Variants in NKAIN3 observed in about 807,000 individuals in gnomAD.
The protein encoded by NKAIN3 is sodium/potassium transporting ATPase interacting 3, also known as sodium/potassium-transporting ATPase subunit beta-1-interacting protein 3.
Under a neutral mutation model 30.2 loss-of-function variants are expected in NKAIN3, and 25 were observed. That is an observed-to-expected ratio of 0.83 (90% CI 0.60 to 1.16). The LOEUF is 1.16. Ranked by LOEUF, NKAIN3 falls within the 50% of genes most tolerant of loss-of-function variation. The probability of loss-of-function intolerance (pLI) is 0.00; values close to 1 mark genes in which losing one functional copy is unlikely to be tolerated. For synonymous variants in NKAIN3, 91 were observed against 89.6 expected (o/e 1.02, Z -0.09); for missense variants, 225 against 254.1 (o/e 0.89, Z 0.78).
At chr8:62,657,771 G>A (rs1408251125) in intron 3 of NKAIN3, among the ~76,000 whole-genome samples, 4 of 152,182 alleles carry the variant, frequency 2.6e-5, no homozygotes, top group Non-Finnish European at 4.4e-5. Flanking sequence ...CCTGCACCAC[G>A]AAATAGGAAC....
chr8:62,589,441 C>T (rs1810581974), intron 2 of NKAIN3, among the ~76,000 whole-genome samples: 1 of 151,660 alleles, frequency 6.6e-6, no homozygotes, highest in South Asian at 2.1e-4. Flanking sequence ...GAAATCAAAT[C>T]AACACTTTGG....
At chr8:62,534,248 G>A (rs941132490) in intron 1 of NKAIN3, among the ~76,000 whole-genome samples, 5 of 152,120 alleles carry the variant, frequency 3.3e-5, no homozygotes, top group African/African-American at 1.2e-4. Flanking sequence ...GCGACCACAC[G>A]TGGGAAAAGT....
intron 1 of NKAIN3, among the ~76,000 whole-genome samples, chr8:62,294,950 C>G (rs1585646619): frequency 6.6e-6 from 1 of 152,060 alleles, no homozygotes; most frequent in Non-Finnish European, 1.5e-5. Context: ...TCTCTCAGGT[C>G]CTTTTGATAT....
chr8:62,523,254 T>C (rs1366401620), intron 1 of NKAIN3, among the ~76,000 whole-genome samples: 1 of 152,204 alleles, frequency 6.6e-6, no homozygotes, highest in Non-Finnish European at 1.5e-5. Context: ...ACTCTAGATG[T>C]GCAGCAGGCT....
chr8:62,955,180 A>T (rs1823388735), intron 6 of NKAIN3, among the ~76,000 whole-genome samples: 1 of 152,192 alleles, frequency 6.6e-6, no homozygotes, highest in African/African-American at 2.4e-5. Flanking sequence ...TAAAGTAAAC[A>T]TAGCTCACAG....
chr8:62,688,775 A>T (rs983185451), intron 3 of NKAIN3, among the ~76,000 whole-genome samples: 4 of 151,076 alleles, frequency 2.6e-5, no homozygotes, highest in Non-Finnish European at 4.4e-5. Context: ...CACACACAAA[A>T]CCATAACGTA....
chr8:62,678,169 A>G (rs1813538571), intron 3 of NKAIN3, among the ~76,000 whole-genome samples: 1 of 152,186 alleles, frequency 6.6e-6, no homozygotes, highest in South Asian at 2.1e-4. Flanking sequence ...ATAGGCAGAT[A>G]GTGGAGTCAT....
chr8:62,850,499 C>A (rs1448614179), intron 4 of NKAIN3, among the ~76,000 whole-genome samples: 1 of 152,076 alleles, frequency 6.6e-6, no homozygotes, highest in African/African-American at 2.4e-5. Context: ...GTTGCCATTG[C>A]TTTTGGTGTT....
chr8:62,859,234 T>C (rs1327927334), intron 4 of NKAIN3, among the ~76,000 whole-genome samples: 1 of 152,150 alleles, frequency 6.6e-6, no homozygotes, highest in Non-Finnish European at 1.5e-5. Flanking sequence ...CCTGCTTTTC[T>C]TTCTTCTCCA....
At chr8:62,870,729 A>G (rs1165391239) in intron 4 of NKAIN3, among the ~76,000 whole-genome samples, 1 of 143,088 alleles carries the variant, frequency 7.0e-6, no homozygotes, top group African/African-American at 2.6e-5. Context: ...CTATATCTAT[A>G]TATCTATATA....
At chr8:62,634,194 A>G (rs1812056542) in intron 3 of NKAIN3, among the ~76,000 whole-genome samples, 1 of 151,960 alleles carries the variant, frequency 6.6e-6, no homozygotes, top group Non-Finnish European at 1.5e-5. Context: ...TCAGGAAACC[A>G]ACAATCAGGC....
intron 1 of NKAIN3, among the ~76,000 whole-genome samples, chr8:62,313,751 C>T (rs1427100227): frequency 6.6e-6 from 1 of 152,096 alleles, no homozygotes. Flanking sequence ...AATTTCAGCA[C>T]CATTTTTCAA....
intron 1 of NKAIN3, among the ~76,000 whole-genome samples, chr8:62,378,921 A>G (rs1011778597): frequency 2.0e-5 from 3 of 152,140 alleles, no homozygotes; most frequent in East Asian, 3.9e-4. Flanking sequence ...AGAATGGTAG[A>G]TCTACCAACA....
At position 62,383,435 on chromosome 8, in the gene NKAIN3, C is replaced by T; in HGVS notation, c.54+134308C>T. On this transcript the variant is annotated intron_variant, in intron 1 of 6. Coordinates refer to ENST00000623646, the MANE Select transcript of NKAIN3 (RefSeq NM_001304533.3). ...TAGATCCTGGTGCTCACTGTTATTC[C>T]CTACTAATAAATGCTCTTTGTGGCT... 3 of 450,334 alleles carry T rather than the reference C, an allele frequency of 6.7e-6. 1 individual carries two copies. Among genetic ancestry groups the T allele is most frequent in the South Asian group, 4.7e-5 (3 of 63,678 alleles). 27.9% of individuals were successfully genotyped at this position (450,334 alleles called of 1,614,324 possible).
chr8:62,924,198 C>G (rs1048742019), intron 5 of NKAIN3, among the ~76,000 whole-genome samples: 19 of 152,100 alleles, frequency 1.2e-4, no homozygotes, highest in African/African-American at 4.6e-4. Context: ...AGGCCTCCTC[C>G]CTCTGTTGAC....
chr8:62,825,097 A>G (rs1304754923), intron 4 of NKAIN3, among the ~76,000 whole-genome samples: 7 of 152,226 alleles, frequency 4.6e-5, no homozygotes, highest in Non-Finnish European at 7.3e-5. Flanking sequence ...GACCAAGTCC[A>G]TGGACCCCAC....
At chr8:62,925,804 C>T (rs144555076) in intron 5 of NKAIN3, among the ~76,000 whole-genome samples, 156 of 152,260 alleles carry the variant, frequency 1.0e-3, no homozygotes, top group African/African-American at 3.6e-3. Context: ...AAATGGTCAA[C>T]ATCAGGAGTG....
intron 1 of NKAIN3, among the ~76,000 whole-genome samples, chr8:62,417,088 C>G (rs1053614777): frequency 6.6e-6 from 1 of 151,622 alleles, no homozygotes; most frequent in South Asian, 2.1e-4. Context: ...TTTTCACACC[C>G]ATTAACCTTC....
At chr8:62,541,701 C>A (rs945491649) in intron 1 of NKAIN3, among the ~76,000 whole-genome samples, 2 of 151,240 alleles carry the variant, frequency 1.3e-5, no homozygotes, top group Non-Finnish European at 2.9e-5. Context: ...TTATTTTTTT[C>A]ATCTATTATC....
Sources: allele counts gnomAD v4.1 joint callset (sites outside exome capture counted in the v4.1 genomes callset), GRCh38; gene constraint gnomAD v4.1.1; transcripts MANE v1.5; gene names NCBI Gene and HGNC (gene_info 2026-07-23, HGNC 2026-07-21).